The following SKOR2 variants were observed in gnomAD, a reference collection of about 807,000 sequenced individuals.
The protein encoded by SKOR2 is LBX1 corepressor 1-like protein.
SKOR2 carries 47 observed loss-of-function variants against 69.1 expected under a neutral mutation model. That is an observed-to-expected ratio of 0.68 (90% CI 0.54 to 0.87). SKOR2 has a LOEUF of 0.87. SKOR2 is among the 40% of genes least tolerant of loss of function. The probability of loss-of-function intolerance (pLI) is 0.00; values close to 1 mark genes in which losing one functional copy is unlikely to be tolerated. For missense variants in SKOR2, 1,404 were observed against 1,472.2 expected, an observed-to-expected ratio of 0.95 and a Z score of 0.76; for synonymous variants, 717 against 672.6, an observed-to-expected ratio of 1.07 and a Z score of -1.02.
At position 47,247,787 on chromosome 18, in the gene SKOR2, G is replaced by T; in HGVS notation, c.1397C>A (p.Pro466His). The T allele has an allele frequency of 7.1e-7, 1 of 1,400,800 alleles. No individual in the cohort carries two copies. 86.8% of individuals were successfully genotyped at this position (1,400,800 alleles called of 1,614,324 possible). ...PAGRKDAFYP[P>H]FCMFWPPRTP... Reference sequence around the variant, plus strand: ...CCGCGGCGGCCAGAACATGCAGAAGGGCGGATAGAAGGCGTCCTTGCGGCC... The same window carrying T: ...CCGCGGCGGCCAGAACATGCAGAAGTGCGGATAGAAGGCGTCCTTGCGGCC... Residue 466 changes from proline (P) to histidine (H), a missense_variant, in exon 2 of 9, where the codon CCC (proline) becomes CAC (histidine). Coordinates refer to ENST00000425639, the MANE Select transcript of SKOR2 (RefSeq NM_001278063.4). The surrounding 1 kb of genome is among the most constrained non-coding windows in gnomAD (Gnocchi z 6.6).
In SKOR2 at chr18:47,212,290, G is replaced by A. The variant is rs562856565; in HGVS notation, c.2986-139C>T. Reference sequence around the variant, plus strand: ...AAAAAGAGGTCTCCATCTGCTCAGCGGTATGAGGTTTCTGGGGTATAGCAT... The same window carrying A: ...AAAAAGAGGTCTCCATCTGCTCAGCAGTATGAGGTTTCTGGGGTATAGCAT... On this transcript the variant is annotated intron_variant, in intron 7 of 8. Transcript: ENST00000425639. The A allele has an allele frequency of 6.1e-5, 43 of 708,582 alleles. No homozygotes were observed. The East Asian group carries it at 1.3e-3, about 21-fold the overall frequency. 43.9% of individuals were successfully genotyped at this position (708,582 alleles called of 1,614,324 possible).
At chr18:47,230,636 AT>A (rs1473245464) in intron 5 of SKOR2, 79 bp from the exon 6 acceptor site, 2 of 914,230 alleles carry the variant, frequency 2.2e-6, no homozygotes, top group Non-Finnish European at 3.0e-6. Flanking sequence ...GCAATTTATT[AT>A]TATAAGACAA....
At chr18:47,223,585 A>G (rs948289833) in intron 6 of SKOR2, among the ~76,000 whole-genome samples, 2 of 152,240 alleles carry the variant, frequency 1.3e-5, no homozygotes. Context: ...TTAATGTCCA[A>G]CATAACAGTA....
intron 4 of SKOR2, among the ~76,000 whole-genome samples, chr18:47,232,871 T>A (rs1369369448): frequency 6.6e-6 from 1 of 152,292 alleles, no homozygotes; most frequent in African/African-American, 2.4e-5. Context: ...CTTGTAGAAG[T>A]ACGGGGAGAT....
intron 1 of SKOR2, 135 bp downstream of exon 1, chr18:47,251,239 C>T (rs1405652293): frequency 6.6e-6 from 1 of 152,330 alleles, no homozygotes; most frequent in African/African-American, 2.4e-5. Context: ...ACTTAGTTCT[C>T]CCGACTCCCA....
At chr18:47,209,463 C>T (rs143688268) in intron 8 of SKOR2, among the ~76,000 whole-genome samples, 75 of 152,250 alleles carry the variant, frequency 4.9e-4, no homozygotes, top group African/African-American at 1.5e-3. Context: ...GAGACTGCCT[C>T]TAACAATACA....
At chr18:47,236,895 G>A (rs891533709) in intron 4 of SKOR2, among the ~76,000 whole-genome samples, 1 of 151,940 alleles carries the variant, frequency 6.6e-6, no homozygotes, top group Non-Finnish European at 1.5e-5. Flanking sequence ...AGTGCTTATT[G>A]TCTTTATTCT....
At position 47,221,569 on chromosome 18, in the gene SKOR2, C is replaced by T. The variant is rs567428356; in HGVS notation, c.2918-1559G>A. Among the ~76,000 whole-genome samples the T allele has an allele frequency of 2.6e-5, 4 of 152,320 alleles. No individual in the cohort carries two copies. In the East Asian group the frequency reaches 7.7e-4, roughly 29 times the overall value. ...TGCCTTTGCCCCTGCTGTGGTCTTG[C>T]CCTTGCAGCAAACAACTGCCTTTTC... is the stretch of plus-strand genomic sequence containing the variant. On this transcript the variant is annotated intron_variant, in intron 6 of 8. Coordinates refer to ENST00000425639, the MANE Select transcript of SKOR2 (RefSeq NM_001278063.4).
At chr18:47,236,188 A>G (rs769347631) in intron 4 of SKOR2, among the ~76,000 whole-genome samples, 1 of 152,008 alleles carries the variant, frequency 6.6e-6, no homozygotes, top group Non-Finnish European at 1.5e-5. Context: ...ACGGGGTTTC[A>G]CCATGTTGCC....
chr18:47,222,581 G>A (rs999859599), intron 6 of SKOR2, among the ~76,000 whole-genome samples: 1 of 152,228 alleles, frequency 6.6e-6, no homozygotes, highest in African/African-American at 2.4e-5. Context: ...CCTGCGCTGT[G>A]GCCCGCAGGC....
At chr18:47,242,963 A>G (rs1180692878) in intron 4 of SKOR2, among the ~76,000 whole-genome samples, 3 of 152,220 alleles carry the variant, frequency 2.0e-5, no homozygotes, top group Non-Finnish European at 2.9e-5. Flanking sequence ...TGCTACATGA[A>G]AGTTTTCTTA....
intron 4 of SKOR2, among the ~76,000 whole-genome samples, chr18:47,237,528 A>G (rs1338274574): frequency 6.6e-6 from 1 of 152,246 alleles, no homozygotes; most frequent in Non-Finnish European, 1.5e-5. Flanking sequence ...TCTGAATTCA[A>G]TAAATAAGAG....
At chr18:47,229,429 G>A (rs971290100) in intron 6 of SKOR2, among the ~76,000 whole-genome samples, 12 of 152,044 alleles carry the variant, frequency 7.9e-5, no homozygotes, top group South Asian at 4.2e-4. Context: ...CGAGGTGGGC[G>A]GATCACCTGA....
intron 6 of SKOR2, 22 bp downstream of exon 6, chr18:47,230,437 T>C: frequency 1.5e-6 from 2 of 1,296,596 alleles, no homozygotes; most frequent in Non-Finnish European, 2.0e-6. Context: ...ATAAATACAA[T>C]GAAATAAAAG....
intron 7 of SKOR2, among the ~76,000 whole-genome samples, chr18:47,216,123 A>T (rs2064143264): frequency 6.6e-6 from 1 of 152,220 alleles, no homozygotes; most frequent in South Asian, 2.1e-4. Flanking sequence ...TTTTGCTTTT[A>T]AAATTGAATA....
chr18:47,245,424 C>T, intron 3 of SKOR2, 74 bp downstream of exon 3: 3 of 1,334,302 alleles, frequency 2.2e-6, no homozygotes, highest in South Asian at 3.2e-5. Context: ...GGTGAGGAGG[C>T]TGGGCATAAG....
rs1212776331 is a variant in SKOR2 at position 47,248,369 on chromosome 18, CCGGCCACCG to C, written c.806_814del (p.Ala269_Ala271del). 1.9e-5 allele frequency: 25 copies of C among 1,288,758 alleles called. No homozygotes were observed. The highest frequency in any genetic ancestry group is 1.7e-4 in the East Asian group (5 of 29,848). 79.8% of individuals were successfully genotyped at this position (1,288,758 alleles called of 1,614,324 possible). A position where few individuals can be genotyped will look rare whatever the true frequency, so the allele number is the denominator to read the frequency against. On this transcript the variant is annotated inframe_deletion, in exon 2 of 9. Transcript: ENST00000425639. This position sits in a 1 kb window ranked among gnomAD's most constrained non-coding sequence, Gnocchi z 6.4. ...GTGGGGGCCCAGCAGACCCCCGCCT[CCGGCCACCG>C]CGGCCGCGGCGGCCACGGCGGCCGC...
chr18:47,212,815 A>T (rs1028181936), intron 7 of SKOR2, among the ~76,000 whole-genome samples: 2 of 151,850 alleles, frequency 1.3e-5, no homozygotes, highest in Non-Finnish European at 2.9e-5. Context: ...TCTATAAAAA[A>T]TTAAAAAATT....
In SKOR2 at chr18:47,230,575, A is replaced by T; in HGVS notation, c.2819-18T>A. The T allele has an allele frequency of 1.5e-6, 2 of 1,370,180 alleles. 1 individual carries two copies. The highest frequency in any genetic ancestry group is 3.5e-5 in the South Asian group (2 of 56,776). The allele number at this position is 1,370,180 out of a possible 1,614,324, so 84.9% of individuals were successfully genotyped here. A position where few individuals can be genotyped will look rare whatever the true frequency, so the allele number is the denominator to read the frequency against. On this transcript the variant is annotated intron_variant, in intron 5 of 8. Coordinates refer to ENST00000425639, the MANE Select transcript of SKOR2 (RefSeq NM_001278063.4). ...AAGTTCTTCTAATAAAAAAAAGAAGAGTCATTTTACTAATCTTTACAAATA... is the reference window on the plus strand; with the variant it reads ...AAGTTCTTCTAATAAAAAAAAGAAGTGTCATTTTACTAATCTTTACAAATA...
Sources: gnomAD v4.1 joint callset for allele counts (sites outside exome capture counted in the v4.1 genomes callset) on GRCh38, gnomAD v4.1.1 for gene constraint, Gnocchi (gnomAD v3.1) non-coding constraint, MANE v1.5 for transcripts, NCBI Gene and HGNC (gene_info 2026-07-23, HGNC 2026-07-21) for gene names.